Variants in DISC1 observed in about 807,000 individuals in gnomAD.
DISC1 encodes the protein DISC1 scaffold protein.
Under a neutral mutation model 84.5 loss-of-function variants are expected in DISC1, and 57 were observed. The ratio of observed to expected loss-of-function variants is 0.67; its 90% CI spans 0.55 to 0.84. DISC1 has a LOEUF of 0.84. Among genes scored for constraint, DISC1 ranks in the 40% least tolerant of loss-of-function variants. The probability of loss-of-function intolerance (pLI) is 0.00; values close to 1 mark genes in which losing one functional copy is unlikely to be tolerated. For synonymous variants in DISC1, 411 were observed against 415.2 expected, an observed-to-expected ratio of 0.99 and a Z score of 0.12; for missense variants, 1,000 against 1,057.8, an observed-to-expected ratio of 0.95 and a Z score of 0.76.
chr1:231,906,669 A>G (rs953827267), intron 9 of DISC1, among the ~76,000 whole-genome samples: 1 of 152,206 alleles, frequency 6.6e-6, no homozygotes, highest in African/African-American at 2.4e-5. Context: ...GATTAAGTAG[A>G]TTCTCTAAAG....
At chr1:231,721,290 G>T (rs1173348833) in intron 3 of DISC1, among the ~76,000 whole-genome samples, 1 of 151,558 alleles carries the variant, frequency 6.6e-6, no homozygotes. Flanking sequence ...CCACACTACA[G>T]ATGAGAAAAA....
intron 10 of DISC1, among the ~76,000 whole-genome samples, chr1:231,974,993 G>A (rs1174953792): frequency 3.3e-5 from 5 of 152,044 alleles, no homozygotes; most frequent in African/African-American, 4.8e-5. Context: ...CCAGCTACTC[G>A]GGAGGCTGAG....
intron 2 of DISC1, among the ~76,000 whole-genome samples, chr1:231,700,827 T>G (rs937802029): frequency 6.6e-6 from 1 of 152,126 alleles, no homozygotes; most frequent in African/African-American, 2.4e-5. Flanking sequence ...AGGAGGGACA[T>G]TTAACACAGA....
intron 9 of DISC1, among the ~76,000 whole-genome samples, chr1:231,882,049 G>A (rs1461634648): frequency 6.6e-6 from 1 of 152,204 alleles, no homozygotes; most frequent in African/African-American, 2.4e-5. Context: ...CCTCCCTGCT[G>A]TGGGCCCAGG....
At chr1:231,762,819 A>T (rs1292834452) in intron 4 of DISC1, among the ~76,000 whole-genome samples, 3 of 152,194 alleles carry the variant, frequency 2.0e-5, no homozygotes, top group Admixed American at 6.5e-5. Context: ...TATACAGGAG[A>T]TGCTCAGTGG....
chr1:231,844,697 G>A (rs2083318878), intron 9 of DISC1, among the ~76,000 whole-genome samples: 1 of 151,916 alleles, frequency 6.6e-6, no homozygotes, highest in Non-Finnish European at 1.5e-5. Flanking sequence ...GAGGCCGACG[G>A]GGGTGGATCA....
intron 11 of DISC1, among the ~76,000 whole-genome samples, chr1:232,024,784 G>C (rs1287958200): frequency 6.6e-6 from 1 of 151,806 alleles, no homozygotes; most frequent in Non-Finnish European, 1.5e-5. Flanking sequence ...TAGAGAGGGG[G>C]TTTAACCATG....
chr1:231,692,763 C>T (rs2065202510), intron 1 of DISC1, among the ~76,000 whole-genome samples: 1 of 152,208 alleles, frequency 6.6e-6, no homozygotes, highest in Non-Finnish European at 1.5e-5. Flanking sequence ...GTCCTGGTCA[C>T]TTGGCTACTT....
chr1:231,813,791 T>A (rs1237332434), intron 8 of DISC1, among the ~76,000 whole-genome samples: 3 of 152,192 alleles, frequency 2.0e-5, no homozygotes, highest in African/African-American at 7.2e-5. Context: ...TATTCTTCCC[T>A]CCTGAAATCT....
chr1:231,689,850 A>G (rs866564550), intron 1 of DISC1, among the ~76,000 whole-genome samples: 7 of 152,168 alleles, frequency 4.6e-5, no homozygotes, highest in Admixed American at 3.3e-4. Flanking sequence ...GGTGTTAACA[A>G]TACTTAGGGG....
intron 1 of DISC1, among the ~76,000 whole-genome samples, chr1:231,687,664 A>G (rs1371365460): frequency 6.6e-6 from 1 of 152,224 alleles, no homozygotes; most frequent in Non-Finnish European, 1.5e-5. Context: ...GGTGGTGTTG[A>G]AAATGCACTT....
chr1:231,857,827 A>G (rs932496497), intron 9 of DISC1, among the ~76,000 whole-genome samples: 4 of 152,212 alleles, frequency 2.6e-5, no homozygotes, highest in Non-Finnish European at 5.9e-5. Context: ...TAGTGCATTC[A>G]AGAATGCTGC....
rs1670572130 is a variant in DISC1 at position 232,037,011 on chromosome 1, T to A, written c.*180T>A. On this transcript the variant is annotated 3_prime_UTR_variant, in exon 13 of 13. Transcript: ENST00000439617. ...CAGTGTGAAACTGAGGAGTCTGCAA[T>A]TTGGAATATGGAGAGAGAGACTGAT... 2 of 555,224 alleles carry A rather than the reference T, an allele frequency of 3.6e-6. No homozygotes were observed. The highest frequency in any genetic ancestry group is 3.9e-5 in the African/African-American group (2 of 51,768). 34.4% of individuals were successfully genotyped at this position (555,224 alleles called of 1,614,324 possible).
chr1:231,940,535 C>T (rs1437858416), intron 9 of DISC1, among the ~76,000 whole-genome samples: 2 of 152,162 alleles, frequency 1.3e-5, no homozygotes, highest in African/African-American at 4.8e-5. Context: ...TCCCGACATT[C>T]AGCACATAAT....
chr1:231,800,210 G>A lies in DISC1; in HGVS notation c.1792G>A (p.Gly598Arg), dbSNP rs2079117131. ...TGAAGCCAAAATGCATGCCATATCAGGTAACTGGCAGTGTAGGAGACGTTG... is the reference window on the plus strand; with the variant it reads ...TGAAGCCAAAATGCATGCCATATCAAGTAACTGGCAGTGTAGGAGACGTTG... ...LLEAKMHAISGNHFWTAKDLT... is the reference protein window; with the variant it reads ...LLEAKMHAISRNHFWTAKDLT... Residue 598 changes from glycine (G) to arginine (R), a missense_variant and splice_region_variant, in exon 8 of 13, where the codon GGA (glycine) becomes AGA (arginine). Transcript: ENST00000439617. 6 of 1,610,338 alleles carry A rather than the reference G, an allele frequency of 3.7e-6. No homozygotes were observed. Among genetic ancestry groups the A allele is most frequent in the Non-Finnish European group, 5.1e-6 (6 of 1,178,172 alleles).
chr1:231,719,626 G>A (rs112061516), intron 3 of DISC1, among the ~76,000 whole-genome samples: 28 of 152,314 alleles, frequency 1.8e-4, no homozygotes, highest in African/African-American at 6.5e-4. Context: ...TTTGGGTTAT[G>A]TATCATTCAG....
Position 231,722,977 on chromosome 1 carries a change from G to A in DISC1, c.1117+20953G>A, listed in dbSNP as rs191887109. On this transcript the variant is annotated intron_variant, in intron 3 of 12. Coordinates refer to ENST00000439617, the MANE Select transcript of DISC1 (RefSeq NM_018662.3). ...ATATGCTATGATTAATGTCAGTTAC[G>A]GGAATTAAACTTCGGAGGCCTTTAG... 334 of 1,167,244 alleles carry A rather than the reference G, an allele frequency of 2.9e-4. 1 individual carries two copies. Among genetic ancestry groups the A allele is most frequent in the Admixed American group, 1.5e-3 (37 of 23,890 alleles). The allele number at this position is 1,167,244 out of a possible 1,614,324, so 72.3% of individuals were successfully genotyped here. A position where few individuals can be genotyped will look rare whatever the true frequency, so the allele number is the denominator to read the frequency against.
rs765171325 is a variant in DISC1 at position 231,694,217 on chromosome 1, T to C, written c.459T>C (p.Ser153=). 1 of 1,614,216 alleles carries C rather than the reference T, an allele frequency of 6.2e-7. No individual in the cohort carries two copies. The highest frequency in any genetic ancestry group is 1.3e-5 in the African/African-American group (1 of 75,070). Reference sequence around the variant, plus strand: ...AAGAGTTTGCAGCCATGGATAGTTCTGAGACCCTGGACGCCAGCTGGGAGG... The same window carrying C: ...AAGAGTTTGCAGCCATGGATAGTTCCGAGACCCTGGACGCCAGCTGGGAGG... ...WQQEFAAMDS[S]ETLDASWEAA... The change falls in exon 2 of 13, where the codon TCT becomes TCC. Residue 153 remains serine (S), a synonymous_variant. Coordinates refer to ENST00000439617, the MANE Select transcript of DISC1 (RefSeq NM_018662.3).
In DISC1 at chr1:231,977,936, A is replaced by T. The variant is rs115769873; in HGVS notation, c.2042+19048A>T. 9.1e-3 allele frequency among the ~76,000 whole-genome samples: 1,389 copies of T among 152,304 alleles called. 29 individuals carry two copies. Among genetic ancestry groups the T allele is most frequent in the African/African-American group, 0.032 (1,330 of 41,562 alleles). On this transcript the variant is annotated intron_variant, in intron 10 of 12. Transcript: ENST00000439617. ...TTTAACAAATGGTTTATTCAAATTGAGAAATGTTTCTTAGGTCTCTTTTAA... is the reference window on the plus strand; with the variant it reads ...TTTAACAAATGGTTTATTCAAATTGTGAAATGTTTCTTAGGTCTCTTTTAA...
Sources: gnomAD v4.1 joint callset for allele counts (sites outside exome capture counted in the v4.1 genomes callset) on GRCh38, gnomAD v4.1.1 for gene constraint, MANE v1.5 for transcripts, NCBI Gene and HGNC (gene_info 2026-07-23, HGNC 2026-07-21) for gene names.